RNF150: variants seen among roughly 807,000 people sequenced by gnomAD.
RNF150 encodes the protein ring finger protein 150.
A neutral mutation model predicts 39.3 loss-of-function variants in RNF150; 24 were observed. That is an observed-to-expected ratio of 0.61 (90% CI 0.44 to 0.86). RNF150 has a LOEUF of 0.86. RNF150 is among the 40% of genes least tolerant of loss of function. The probability of loss-of-function intolerance (pLI) is 0.00; values close to 1 mark genes in which losing one functional copy is unlikely to be tolerated. For synonymous variants in RNF150, 255 were observed against 227.3 expected (o/e 1.12, Z -1.10); for missense variants, 502 against 587.8 (o/e 0.85, Z 1.51).
intron 1 of RNF150, among the ~76,000 whole-genome samples, chr4:141,179,757 A>T (rs1208530131): frequency 6.6e-6 from 1 of 152,182 alleles, no homozygotes; most frequent in Non-Finnish European, 1.5e-5. Context: ...CAGGGGAAAG[A>T]TTAGACAGAT....
At chr4:140,953,211 C>T (rs1158533489) in intron 2 of RNF150, among the ~76,000 whole-genome samples, 1 of 152,188 alleles carries the variant, frequency 6.6e-6, no homozygotes, top group African/African-American at 2.4e-5. Flanking sequence ...CTCCTAGAAG[C>T]TCTGAGAAAT....
intron 4 of RNF150, among the ~76,000 whole-genome samples, chr4:140,936,646 A>T (rs2111347523): frequency 6.6e-6 from 1 of 152,248 alleles, no homozygotes; most frequent in East Asian, 1.9e-4. Context: ...ATTGTTAATT[A>T]AAAAAGCATT....
At chr4:141,036,526 G>GT (rs1736154070) in intron 1 of RNF150, among the ~76,000 whole-genome samples, 1 of 152,080 alleles carries the variant, frequency 6.6e-6, no homozygotes, top group Non-Finnish European at 1.5e-5. Flanking sequence ...CTCACGGAAC[G>GT]ACTCCACATT....
chr4:140,915,608 G>A (rs796995999), intron 5 of RNF150, among the ~76,000 whole-genome samples: 2 of 152,358 alleles, frequency 1.3e-5, no homozygotes, highest in African/African-American at 4.8e-5. Flanking sequence ...GGGCAAGCTT[G>A]GATGTGTATC....
intron 1 of RNF150, among the ~76,000 whole-genome samples, chr4:141,151,148 T>C (rs1727289884): frequency 6.6e-6 from 1 of 152,092 alleles, no homozygotes; most frequent in Non-Finnish European, 1.5e-5. Context: ...CTCATTTTGT[T>C]GCCCATGCTG....
At chr4:141,170,276 T>C (rs1727688413) in intron 1 of RNF150, among the ~76,000 whole-genome samples, 1 of 152,186 alleles carries the variant, frequency 6.6e-6, no homozygotes, top group Admixed American at 6.5e-5. Flanking sequence ...CCAAGTAGCT[T>C]GTAATTTCTC....
chr4:140,911,252 C>G lies in RNF150; in HGVS notation c.1090G>C (p.Glu364Gln), dbSNP rs750535991. 6.2e-7 allele frequency: 1 copy of G among 1,614,146 alleles called. No individual in the cohort carries two copies. Among genetic ancestry groups the G allele is most frequent in the Non-Finnish European group, 8.5e-7 (1 of 1,180,028 alleles). The change falls in exon 6 of 7, where the codon GAA (glutamate) becomes CAA (glutamine). Residue 364 changes from glutamate (E) to glutamine (Q), a missense_variant. Physicochemically the swap from Glu to Gln is conservative, Grantham distance 29. Transcript: ENST00000515673. ...ITGASDTTVN[E>Q]SSVTLDPAVR... ...GCAGGGTCCAAAGTGACTGAACTTT[C>G]ATTCACTGTTGTGTCGCTGGCACCT...
chr4:141,050,695 C>T (rs1031961316), intron 1 of RNF150, among the ~76,000 whole-genome samples: 8 of 152,172 alleles, frequency 5.3e-5, no homozygotes, highest in African/African-American at 1.7e-4. Context: ...GGTGGGTTCC[C>T]ATGGTCTTGG....
intron 6 of RNF150, among the ~76,000 whole-genome samples, chr4:140,875,553 A>C (rs1165909080): frequency 6.6e-6 from 1 of 152,120 alleles, no homozygotes; most frequent in Non-Finnish European, 1.5e-5. Context: ...TTAGGCATTT[A>C]AAATTACATA....
At chr4:141,102,405 T>A (rs964424391) in intron 1 of RNF150, among the ~76,000 whole-genome samples, 7 of 152,154 alleles carry the variant, frequency 4.6e-5, no homozygotes, top group African/African-American at 1.7e-4. Flanking sequence ...TAAAGGTTAT[T>A]AACATGTCAG....
intron 1 of RNF150, among the ~76,000 whole-genome samples, chr4:141,049,882 T>C (rs1178977426): frequency 1.3e-5 from 2 of 152,062 alleles, no homozygotes; most frequent in Admixed American, 6.6e-5. Context: ...ACTAAAAAGA[T>C]AAATGTGATA....
chr4:140,980,834 T>C (rs1400137572), intron 1 of RNF150, among the ~76,000 whole-genome samples: 1 of 152,176 alleles, frequency 6.6e-6, no homozygotes, highest in Non-Finnish European at 1.5e-5. Context: ...CAGTTCGTTA[T>C]AGAGCATGAG....
intron 1 of RNF150, among the ~76,000 whole-genome samples, chr4:141,016,448 T>A (rs1238650603): frequency 8.2e-6 from 1 of 121,812 alleles, no homozygotes; most frequent in African/African-American, 2.6e-5. Context: ...TAAAAGCAGG[T>A]ATAAATATGA....
chr4:141,027,936 T>TG (rs1184069221), intron 1 of RNF150, among the ~76,000 whole-genome samples: 11 of 98,212 alleles, frequency 1.1e-4, no homozygotes, highest in African/African-American at 1.4e-4. Flanking sequence ...GTTTTTTTTT[T>TG]TTTTTTTTTT....
intron 1 of RNF150, among the ~76,000 whole-genome samples, chr4:141,095,722 T>C (rs1473320765): frequency 6.6e-6 from 1 of 152,206 alleles, no homozygotes; most frequent in Non-Finnish European, 1.5e-5. Flanking sequence ...TTTCTTATGG[T>C]TGCATATATA....
chr4:141,192,184 T>C (rs1276261482), intron 1 of RNF150, among the ~76,000 whole-genome samples: 1 of 152,214 alleles, frequency 6.6e-6, no homozygotes, highest in African/African-American at 2.4e-5. Flanking sequence ...AAGCCCTCTT[T>C]TGAACATGAG....
intron 1 of RNF150, among the ~76,000 whole-genome samples, chr4:141,156,262 C>T (rs1727397097): frequency 6.6e-6 from 1 of 152,146 alleles, no homozygotes; most frequent in Non-Finnish European, 1.5e-5. Context: ...TTGTTGCATG[C>T]ATATGAAGAT....
chr4:141,111,723 G>A (rs1037676085), intron 1 of RNF150, among the ~76,000 whole-genome samples: 1 of 152,178 alleles, frequency 6.6e-6, no homozygotes. Flanking sequence ...TAATGAGTAA[G>A]TAAAACTGTT....
At chr4:141,144,173 A>G (rs535536013) in intron 1 of RNF150, among the ~76,000 whole-genome samples, 1 of 152,334 alleles carries the variant, frequency 6.6e-6, no homozygotes, top group African/African-American at 2.4e-5. Flanking sequence ...TCCCTATCAT[A>G]TTGGATGCAG....
Sources: gnomAD v4.1 joint callset for allele counts (sites outside exome capture counted in the v4.1 genomes callset) on GRCh38, gnomAD v4.1.1 for gene constraint, MANE v1.5 for transcripts, NCBI Gene and HGNC (gene_info 2026-07-23, HGNC 2026-07-21) for gene names.